The following MYO18B variants were observed in gnomAD, a reference collection of about 807,000 sequenced individuals.
The protein encoded by MYO18B is myosin XVIIIB, also known as unconventional myosin-XVIIIb.
MYO18B carries 204 observed loss-of-function variants against 273.0 expected under a neutral mutation model. The observed-to-expected ratio is 0.75, with a 90% CI of 0.67 to 0.84. The LOEUF (loss-of-function observed/expected upper bound fraction) is 0.84, where lower values mean the gene tolerates loss of function less well. Ranked by LOEUF, MYO18B falls within the 40% of genes least tolerant of loss-of-function variation. The probability of loss-of-function intolerance (pLI) is 0.00; values close to 1 mark genes in which losing one functional copy is unlikely to be tolerated. For synonymous variants in MYO18B, 1,330 were observed against 1,305.7 expected (o/e 1.02, Z -0.40); for missense variants, 3,212 against 3,287.6 (o/e 0.98, Z 0.56).
intron 40 of MYO18B, among the ~76,000 whole-genome samples, chr22:25,996,817 C>CA (rs1228138251): frequency 6.6e-6 from 1 of 152,080 alleles, no homozygotes; most frequent in Non-Finnish European, 1.5e-5. Flanking sequence ...TGAAAGAAAA[C>CA]CAGTGTCCCC....
chr22:26,022,704 C>T (rs1181981728), intron 42 of MYO18B, among the ~76,000 whole-genome samples: 1 of 152,204 alleles, frequency 6.6e-6, no homozygotes, highest in Non-Finnish European at 1.5e-5. Flanking sequence ...TCAAAGGCAC[C>T]AGACCATTTC....
chr22:25,753,232 C>T (rs2085996737), intron 1 of MYO18B, among the ~76,000 whole-genome samples: 2 of 147,870 alleles, frequency 1.4e-5, no homozygotes, highest in African/African-American at 2.5e-5. Flanking sequence ...TCGGCAGGGG[C>T]GGGTGTGGGG....
In MYO18B at chr22:25,992,224, C is replaced by A. The variant is rs6004880; in HGVS notation, c.6157-139C>A. ...CCCATAAATCTGTCCGCAGAGAGAG[C>A]CTCTCACGGAGAACTTACCACTTCA... On this transcript the variant is annotated intron_variant, in intron 39 of 43. Coordinates refer to ENST00000335473, the MANE Select transcript of MYO18B (RefSeq NM_032608.7). 1.3e-3 allele frequency: 1,208 copies of A among 955,214 alleles called. 11 individuals are homozygous for A. In the African/African-American group the frequency reaches 0.018, roughly 14 times the overall value. 59.2% of individuals were successfully genotyped at this position (955,214 alleles called of 1,614,324 possible).
At chr22:25,814,469 T>C (rs2088916113) in intron 12 of MYO18B, among the ~76,000 whole-genome samples, 1 of 151,858 alleles carries the variant, frequency 6.6e-6, no homozygotes, top group South Asian at 2.1e-4. Flanking sequence ...CAGACACTAT[T>C]CTAAGAGCTT....
intron 34 of MYO18B, among the ~76,000 whole-genome samples, chr22:25,928,057 C>T (rs1850046422): frequency 6.6e-6 from 1 of 152,088 alleles, no homozygotes; most frequent in African/African-American, 2.4e-5. Flanking sequence ...CAGAGGCACA[C>T]AGAGACAGAA....
chr22:25,923,578 C>T (rs1408431492), intron 34 of MYO18B, among the ~76,000 whole-genome samples: 1 of 152,216 alleles, frequency 6.6e-6, no homozygotes, highest in African/African-American at 2.4e-5. Flanking sequence ...GTTTGTGATT[C>T]TAAGTGCAGA....
intron 25 of MYO18B, among the ~76,000 whole-genome samples, chr22:25,881,394 G>A (rs1487157718): frequency 6.6e-6 from 1 of 152,240 alleles, no homozygotes; most frequent in African/African-American, 2.4e-5. Context: ...TGACACACAC[G>A]TGCCTGATGT....
chr22:25,898,431 G>A lies in MYO18B; in HGVS notation c.4793G>A (p.Arg1598Gln), dbSNP rs370392393. The change falls in exon 29 of 44, where the codon CGA (arginine) becomes CAA (glutamine). Residue 1598 changes from arginine (R) to glutamine (Q), a missense_variant. Transcript: ENST00000335473. ...TCVLLENQQS[R>Q]NHELEKKQKK... ...GTCCTGCTAGAGAACCAACAAAGTC[G>A]AAACCATGAGCTGGAGAAGAAGCAG... 3.0e-5 allele frequency: 48 copies of A among 1,613,644 alleles called. No homozygotes were observed. The highest frequency in any genetic ancestry group is 3.6e-5 in the Non-Finnish European group (43 of 1,179,808).
chr22:25,755,647 G>T (rs1408665913), intron 1 of MYO18B, among the ~76,000 whole-genome samples: 1 of 152,202 alleles, frequency 6.6e-6, no homozygotes, highest in Non-Finnish European at 1.5e-5. Flanking sequence ...GATGCCTCCT[G>T]AATGTCTTGG....
In MYO18B at chr22:25,788,201, C is replaced by G. The variant is rs2087484140; in HGVS notation, c.2376+2710C>G. ...GGCAGGTATCAAGAGAATGTTTTCTCTGTTCTTTCAGAAGAAAAATAAAGT... is the reference window on the plus strand; with the variant it reads ...GGCAGGTATCAAGAGAATGTTTTCTGTGTTCTTTCAGAAGAAAAATAAAGT... On this transcript the variant is annotated intron_variant, in intron 11 of 43. Transcript: ENST00000335473. 5.3e-5 allele frequency among the ~76,000 whole-genome samples: 8 copies of G among 152,172 alleles called. No homozygotes were observed. In the South Asian group the frequency reaches 1.7e-3, roughly 31 times the overall value.
chr22:25,871,511 T>A (rs2091043425), intron 22 of MYO18B, among the ~76,000 whole-genome samples: 1 of 152,186 alleles, frequency 6.6e-6, no homozygotes, highest in Non-Finnish European at 1.5e-5. Context: ...CAGATTTTTT[T>A]AAAACCTGGG....
chr22:25,836,022 G>A (rs2089887740), intron 17 of MYO18B, among the ~76,000 whole-genome samples: 1 of 152,202 alleles, frequency 6.6e-6, no homozygotes. Flanking sequence ...AAGGCAGGTG[G>A]TCAGGGTGAG....
intron 11 of MYO18B, among the ~76,000 whole-genome samples, chr22:25,787,657 A>T (rs151107976): frequency 3.3e-5 from 5 of 152,174 alleles, no homozygotes; most frequent in African/African-American, 1.2e-4. Flanking sequence ...TTCATTCTCA[A>T]AACTCATGCA....
chr22:25,828,671 A>G (rs2089585652), intron 14 of MYO18B, 105 bp from the exon 15 acceptor site: 2 of 1,097,804 alleles, frequency 1.8e-6, no homozygotes, highest in Non-Finnish European at 2.6e-6. Context: ...CACAGCCTGT[A>G]AGAGGTGAGC....
chr22:25,914,583 C>G (rs2092224848), intron 33 of MYO18B, among the ~76,000 whole-genome samples: 1 of 150,276 alleles, frequency 6.7e-6, no homozygotes, highest in Non-Finnish European at 1.5e-5. Flanking sequence ...TTGTATCTAG[C>G]AAACTTCCTG....
At chr22:25,757,143 C>T (rs886208163) in intron 1 of MYO18B, among the ~76,000 whole-genome samples, 1 of 152,196 alleles carries the variant, frequency 6.6e-6, no homozygotes, top group African/African-American at 2.4e-5. Flanking sequence ...GCTTTACATA[C>T]GCCTCTTATA....
intron 21 of MYO18B, among the ~76,000 whole-genome samples, chr22:25,852,220 C>T (rs928695882): frequency 1.3e-5 from 2 of 152,200 alleles, no homozygotes; most frequent in South Asian, 2.1e-4. Flanking sequence ...CTGGAGCACT[C>T]GTTCCCCGAA....
chr22:25,755,001 G>T (rs2086065273), intron 1 of MYO18B, among the ~76,000 whole-genome samples: 1 of 152,174 alleles, frequency 6.6e-6, no homozygotes, highest in Non-Finnish European at 1.5e-5. Flanking sequence ...GGGTAGTGGC[G>T]GCCAAGGCAG....
chr22:25,890,746 C>A lies in MYO18B; in HGVS notation c.4315-10C>A, dbSNP rs745975376. On this transcript the variant is annotated splice_polypyrimidine_tract_variant and intron_variant, in intron 25 of 43. Transcript: ENST00000335473. The stretch of plus-strand genomic sequence containing the variant: ...TGACCGTTCCTTGATCACCCCATTC[C>A]CCATCTCAGATTGCTGACTTGACCT... 2.5e-6 allele frequency: 4 copies of A among 1,613,686 alleles called. No individual in the cohort carries two copies. The East Asian group carries it at 8.9e-5, about 36-fold the overall frequency.
Sources: allele counts gnomAD v4.1 joint callset (sites outside exome capture counted in the v4.1 genomes callset), GRCh38; gene constraint gnomAD v4.1.1; transcripts MANE v1.5; gene names NCBI Gene and HGNC (gene_info 2026-07-23, HGNC 2026-07-21).